Variants in DOCK10 observed in about 807,000 individuals in gnomAD.
DOCK10 encodes the protein dedicator of cytokinesis protein 10.
In DOCK10, 145 loss-of-function variants were observed where a neutral mutation model predicts 280.1. That is an observed-to-expected ratio of 0.52 (90% confidence interval 0.45 to 0.59). DOCK10 has a LOEUF of 0.59. Ranked by LOEUF, DOCK10 falls within the 20% of genes least tolerant of loss-of-function variation. The pLI, the probability that DOCK10 is intolerant of heterozygous loss-of-function variation, is 0.00. For missense variants in DOCK10, 2,368 were observed against 2,651.7 expected, an observed-to-expected ratio of 0.89 and a Z score of 2.35; for synonymous variants, 915 against 942.2, an observed-to-expected ratio of 0.97 and a Z score of 0.53.
chr2:225,035,514 A>C (rs1400244771), intron 1 of DOCK10, among the ~76,000 whole-genome samples: 1 of 131,900 alleles, frequency 7.6e-6, no homozygotes, highest in African/African-American at 2.7e-5. Context: ...TATCATATCA[A>C]TATAGATCTT....
intron 4 of DOCK10, chr2:224,893,548 G>T: frequency 6.3e-6 from 2 of 318,492 alleles, no homozygotes; most frequent in Non-Finnish European, 1.3e-5. Context: ...TTTCTTCTGG[G>T]ATCTCCAAGT....
At chr2:225,011,887 C>T (rs1689448682) in intron 1 of DOCK10, among the ~76,000 whole-genome samples, 3 of 152,036 alleles carry the variant, frequency 2.0e-5, no homozygotes, top group South Asian at 4.2e-4. Flanking sequence ...GGGACATGCC[C>T]CAACGAGAAC....
intron 55 of DOCK10, among the ~76,000 whole-genome samples, chr2:224,768,703 TC>T (rs151057730): frequency 2.0e-5 from 3 of 152,092 alleles, no homozygotes; most frequent in Non-Finnish European, 4.4e-5. Context: ...ATGAGGCTTT[TC>T]CCCCCATTGA....
At chr2:224,989,211 G>A (rs1706063106) in intron 1 of DOCK10, among the ~76,000 whole-genome samples, 1 of 152,138 alleles carries the variant, frequency 6.6e-6, no homozygotes, top group Non-Finnish European at 1.5e-5. Flanking sequence ...CCATCAAGTT[G>A]GTGGGAGCTC....
chr2:224,988,932 C>A (rs1706051695), intron 1 of DOCK10, among the ~76,000 whole-genome samples: 1 of 152,158 alleles, frequency 6.6e-6, no homozygotes, highest in African/African-American at 2.4e-5. Flanking sequence ...TTACTTGCTT[C>A]CCCCTACATG....
rs201582173 is a variant in DOCK10 at position 224,905,234 on chromosome 2, A to ATTT, written c.334-8860_334-8858dup. Among the ~76,000 whole-genome samples the ATTT allele has an allele frequency of 7.3e-3, 813 of 111,476 alleles. 10 individuals are homozygous for ATTT. Among genetic ancestry groups the ATTT allele is most frequent in the Middle Eastern group, 0.018 (3 of 168 alleles). 73.1% of individuals were successfully genotyped at this position (111,476 alleles called of 152,430 possible). A position where few individuals can be genotyped will look rare whatever the true frequency, so the allele number is the denominator to read the frequency against. On this transcript the variant is annotated intron_variant, in intron 3 of 55. Coordinates refer to ENST00000258390, the MANE Select transcript of DOCK10 (RefSeq NM_014689.3). Reference sequence around the variant, plus strand: ...AGATCAATAAACGGCCTATGGAACTATTTTTTTTTTTTTTTTTTTTTTTTG... The same window carrying ATTT: ...AGATCAATAAACGGCCTATGGAACTATTTTTTTTTTTTTTTTTTTTTTTTTTTG...
At chr2:224,767,115 T>C (rs1325326541) in intron 55 of DOCK10, among the ~76,000 whole-genome samples, 1 of 152,204 alleles carries the variant, frequency 6.6e-6, no homozygotes, top group African/African-American at 2.4e-5. Context: ...CATTCCTGAA[T>C]GTAGGCTGGG....
rs540011735 is a variant in DOCK10, at chr2:224,937,128, A to G, written c.124-5460T>C. ...AAAATATTTTTCACCTCTGTAGGGA[A>G]CCATCAACATCTGGTAACTTACTTA... On this transcript the variant is annotated intron_variant, in intron 1 of 55. Transcript: ENST00000258390. Among the ~76,000 whole-genome samples, 26 of 152,322 alleles carry G rather than the reference A, an allele frequency of 1.7e-4. No individual in the cohort carries two copies. In the South Asian group the frequency reaches 2.5e-3, roughly 15 times the overall value.
chr2:224,801,521 T>C (rs1286207508), intron 40 of DOCK10, among the ~76,000 whole-genome samples: 1 of 152,040 alleles, frequency 6.6e-6, no homozygotes, highest in Non-Finnish European at 1.5e-5. Flanking sequence ...CTGGCCTCCA[T>C]TTTACCCTCA....
chr2:224,803,903 A>C (rs1353008924), intron 39 of DOCK10, among the ~76,000 whole-genome samples: 1 of 152,126 alleles, frequency 6.6e-6, no homozygotes, highest in African/African-American at 2.4e-5. Flanking sequence ...GGTCTCTACC[A>C]GCTAGTAGGG....
chr2:225,009,332 A>G (rs1342397699), intron 1 of DOCK10, among the ~76,000 whole-genome samples: 1 of 152,364 alleles, frequency 6.6e-6, no homozygotes, highest in East Asian at 1.9e-4. Context: ...ATTAAGTTCT[A>G]TAACAGTAAA....
chr2:224,946,438 T>C (rs1703424175), intron 1 of DOCK10, among the ~76,000 whole-genome samples: 1 of 152,176 alleles, frequency 6.6e-6, no homozygotes, highest in Admixed American at 6.5e-5. Flanking sequence ...TGGCATATGA[T>C]AAAATAGAGC....
chr2:224,896,319 G>T lies in DOCK10; in HGVS notation c.392C>A (p.Ser131Tyr). 6.2e-7 allele frequency: 1 copy of T among 1,605,644 alleles called. No homozygotes were observed. Among genetic ancestry groups the T allele is most frequent in the African/African-American group, 1.3e-5 (1 of 74,712 alleles). ...CCGGGGTAGCTGTCGAATGTCTCCA[G>T]AATATTGTTCATATTTGTAGTTTAC... Reference protein sequence around the residue: ...HVVNYKYEQYSGDIRQLPRAE... With the variant: ...HVVNYKYEQYYGDIRQLPRAE... The change falls in exon 4 of 56, where the codon TCT becomes TAT. Residue 131 changes from serine (S) to tyrosine (Y), a missense_variant. Transcript: ENST00000258390.
intron 7 of DOCK10, among the ~76,000 whole-genome samples, chr2:224,878,963 C>A (rs1398196612): frequency 6.6e-6 from 1 of 152,140 alleles, no homozygotes; most frequent in Non-Finnish European, 1.5e-5. Flanking sequence ...CCTGCTCTTG[C>A]AGAATAGGAA....
chr2:224,781,847 C>T (rs1031136903), intron 50 of DOCK10, among the ~76,000 whole-genome samples: 5 of 152,176 alleles, frequency 3.3e-5, no homozygotes, highest in Admixed American at 3.3e-4. Context: ...AGCATTGACT[C>T]CTCCTCAGAT....
At chr2:224,978,225 G>A (rs1444410734) in intron 1 of DOCK10, among the ~76,000 whole-genome samples, 1 of 152,122 alleles carries the variant, frequency 6.6e-6, no homozygotes, top group African/African-American at 2.4e-5. Context: ...ACGAGGTCAG[G>A]AGTTCGAGAC....
At chr2:225,019,198 G>A (rs1295876695) in intron 1 of DOCK10, among the ~76,000 whole-genome samples, 2 of 152,056 alleles carry the variant, frequency 1.3e-5, no homozygotes, top group Non-Finnish European at 2.9e-5. Context: ...CAGGTTCTCT[G>A]TGCGTAGCCC....
At chr2:224,810,488 TTTA>T (rs982509392) in intron 31 of DOCK10, among the ~76,000 whole-genome samples, 3 of 152,022 alleles carry the variant, frequency 2.0e-5, no homozygotes, top group African/African-American at 7.2e-5. Flanking sequence ...TTTTTTAAAT[TTTA>T]TTATTATTAT....
chr2:225,001,605 C>T (rs1706432543), intron 1 of DOCK10, among the ~76,000 whole-genome samples: 1 of 152,144 alleles, frequency 6.6e-6, no homozygotes, highest in Non-Finnish European at 1.5e-5. Flanking sequence ...AACAGACTTT[C>T]TATAATAGAG....
Sources: gnomAD v4.1 joint callset for allele counts (sites outside exome capture counted in the v4.1 genomes callset) on GRCh38, gnomAD v4.1.1 for gene constraint, MANE v1.5 for transcripts, NCBI Gene and HGNC (gene_info 2026-07-23, HGNC 2026-07-21) for gene names.